The following ZFPM2 variants were observed in gnomAD, a reference collection of about 807,000 sequenced individuals.
ZFPM2 encodes the protein zinc finger protein, FOG family member 2, also known as zinc finger protein ZFPM2.
In ZFPM2, 20 loss-of-function variants were observed where a neutral mutation model predicts 98.6. The ratio of observed to expected loss-of-function variants is 0.20; its 90% CI spans 0.14 to 0.29. ZFPM2 has a LOEUF of 0.29. Among genes scored for constraint, ZFPM2 ranks in the 10% least tolerant of loss-of-function variants. ZFPM2 has a pLI of 1.00. For missense variants in ZFPM2, 1,310 were observed against 1,388.6 expected, an observed-to-expected ratio of 0.94 and a Z score of 0.90; for synonymous variants, 518 against 502.7, an observed-to-expected ratio of 1.03 and a Z score of -0.41.
intron 2 of ZFPM2, among the ~76,000 whole-genome samples, chr8:105,438,861 C>T (rs1228013400): frequency 2.0e-5 from 3 of 152,104 alleles, no homozygotes; most frequent in African/African-American, 7.2e-5. Context: ...TGGTCAGTCT[C>T]TTTTTGTGCT....
chr8:105,608,322 C>T (rs1178606529), intron 4 of ZFPM2, among the ~76,000 whole-genome samples: 1 of 151,982 alleles, frequency 6.6e-6, no homozygotes, highest in Non-Finnish European at 1.5e-5. Flanking sequence ...AAAATAAAAA[C>T]TTTCTAAAAA....
chr8:105,380,053 T>C lies in ZFPM2; in HGVS notation c.41-39091T>C, dbSNP rs572443116. Among the ~76,000 whole-genome samples, 9 of 152,274 alleles carry C rather than the reference T, an allele frequency of 5.9e-5. No homozygotes were observed. In the South Asian group the frequency reaches 1.9e-3, roughly 32 times the overall value. ...TAGAAATTCAGATGTGATGTGAATG[T>C]AGGCTCACTCTCATCTTTCACCTAG... On this transcript the variant is annotated intron_variant, in intron 1 of 7. Coordinates refer to ENST00000407775, the MANE Select transcript of ZFPM2 (RefSeq NM_012082.4).
At chr8:105,320,419 A>G (rs1446736331) in intron 1 of ZFPM2, among the ~76,000 whole-genome samples, 1 of 152,102 alleles carries the variant, frequency 6.6e-6, no homozygotes, top group Admixed American at 6.5e-5. Context: ...GGCTCAAAGC[A>G]GTTTTAATCA....
chr8:105,695,480 A>C lies in ZFPM2; in HGVS notation c.532+61123A>C, dbSNP rs1810996945. Reference sequence around the variant, plus strand: ...ACTGATGGAGATCAACTCATTAAATACTCAGTTTCAGGAAAGCACTTGTAG... The same window carrying C: ...ACTGATGGAGATCAACTCATTAAATCCTCAGTTTCAGGAAAGCACTTGTAG... On this transcript the variant is annotated intron_variant, in intron 5 of 7. Transcript: ENST00000407775. Among the ~76,000 whole-genome samples, 4 of 149,114 alleles carry C rather than the reference A, an allele frequency of 2.7e-5. No homozygotes were observed. The South Asian group carries it at 8.4e-4, about 31-fold the overall frequency.
At chr8:105,506,988 CAAAAAA>C (rs61634908) in intron 3 of ZFPM2, among the ~76,000 whole-genome samples, 1 of 112,792 alleles carries the variant, frequency 8.9e-6, no homozygotes, top group Non-Finnish European at 1.9e-5. Context: ...ACTCCGTCTC[CAAAAAA>C]AAAAAAAAAA....
chr8:105,790,941 G>A (rs1443730109), intron 6 of ZFPM2, among the ~76,000 whole-genome samples: 1 of 152,178 alleles, frequency 6.6e-6, no homozygotes, highest in Non-Finnish European at 1.5e-5. Flanking sequence ...CATTGATTTT[G>A]TGTCCTGAGA....
chr8:105,438,219 C>G (rs1432496451), intron 2 of ZFPM2, among the ~76,000 whole-genome samples: 1 of 152,120 alleles, frequency 6.6e-6, no homozygotes, highest in African/African-American at 2.4e-5. Context: ...TGCTTGTGTG[C>G]TCCTGTCCCA....
intron 4 of ZFPM2, among the ~76,000 whole-genome samples, chr8:105,601,525 T>C (rs995408): frequency 0.2 from 31,006 of 152,074 alleles, 3,198 homozygotes; most frequent in South Asian, 0.26. Context: ...ACCCCTGCCC[T>C]TCCTTACTCT....
At chr8:105,491,827 C>G (rs1813361318) in intron 3 of ZFPM2, among the ~76,000 whole-genome samples, 3 of 151,964 alleles carry the variant, frequency 2.0e-5, no homozygotes, top group Admixed American at 2.0e-4. Context: ...TAAAGAGTGA[C>G]TTAGTGGTTA....
At chr8:105,600,561 T>C (rs1471026712) in intron 4 of ZFPM2, among the ~76,000 whole-genome samples, 6 of 152,162 alleles carry the variant, frequency 3.9e-5, no homozygotes, top group Non-Finnish European at 8.8e-5. Context: ...TGCTAACTTA[T>C]TTTTATTTCA....
intron 3 of ZFPM2, among the ~76,000 whole-genome samples, chr8:105,484,440 G>C (rs985459255): frequency 6.6e-6 from 1 of 151,868 alleles, no homozygotes; most frequent in Non-Finnish European, 1.5e-5. Context: ...AGTTTTAATA[G>C]TGATTTGTTA....
chr8:105,377,285 A>G lies in ZFPM2; in HGVS notation c.41-41859A>G, dbSNP rs553372876. Reference sequence around the variant, plus strand: ...TTACAACATTATAGTTTATTACCATATTTTGCTTAGTTTGTTTATGCAGTT... The same window carrying G: ...TTACAACATTATAGTTTATTACCATGTTTTGCTTAGTTTGTTTATGCAGTT... On this transcript the variant is annotated intron_variant, in intron 1 of 7. Transcript: ENST00000407775. 2.4e-4 allele frequency among the ~76,000 whole-genome samples: 37 copies of G among 152,016 alleles called. 1 individual carries two copies. The South Asian group carries it at 7.3e-3, about 30-fold the overall frequency.
intron 5 of ZFPM2, among the ~76,000 whole-genome samples, chr8:105,730,752 C>G (rs187849188): frequency 6.7e-6 from 1 of 148,892 alleles, no homozygotes; most frequent in East Asian, 2.0e-4. Context: ...GAAGTCAAAG[C>G]GACACCTGAA....
At chr8:105,746,355 T>A (rs373183700) in intron 5 of ZFPM2, among the ~76,000 whole-genome samples, 2 of 152,124 alleles carry the variant, frequency 1.3e-5, no homozygotes, top group East Asian at 3.9e-4. Flanking sequence ...TTGAATAAAA[T>A]ATGCCAATGA....
At chr8:105,721,355 C>T (rs1384052251) in intron 5 of ZFPM2, among the ~76,000 whole-genome samples, 1 of 151,976 alleles carries the variant, frequency 6.6e-6, no homozygotes, top group Non-Finnish European at 1.5e-5. Flanking sequence ...AGGCACAGCA[C>T]ATGATGCAAA....
intron 3 of ZFPM2, among the ~76,000 whole-genome samples, chr8:105,468,206 G>T (rs1812829961): frequency 6.6e-6 from 1 of 150,852 alleles, no homozygotes; most frequent in South Asian, 2.1e-4. Flanking sequence ...TGCTAATCTT[G>T]TGTCTCCCTC....
intron 6 of ZFPM2, among the ~76,000 whole-genome samples, chr8:105,791,267 C>A (rs1236817379): frequency 3.3e-5 from 5 of 152,064 alleles, no homozygotes; most frequent in African/African-American, 7.2e-5. Flanking sequence ...TACGTCCCAT[C>A]AATACCTAAT....
At chr8:105,619,492 C>T (rs1816488734) in intron 4 of ZFPM2, among the ~76,000 whole-genome samples, 1 of 151,622 alleles carries the variant, frequency 6.6e-6, no homozygotes, top group Non-Finnish European at 1.5e-5. Flanking sequence ...AATGAATATA[C>T]TTAATTTATT....
chr8:105,624,212 A>AG (rs1187932009), intron 4 of ZFPM2, among the ~76,000 whole-genome samples: 1 of 152,204 alleles, frequency 6.6e-6, no homozygotes, highest in Non-Finnish European at 1.5e-5. Flanking sequence ...TTACGTAAGA[A>AG]GGGGTACTCG....
Sources: allele counts gnomAD v4.1 joint callset (sites outside exome capture counted in the v4.1 genomes callset), GRCh38; gene constraint gnomAD v4.1.1; transcripts MANE v1.5; gene names NCBI Gene and HGNC (gene_info 2026-07-23, HGNC 2026-07-21).